The following FRRS1 variants were observed in gnomAD, a reference collection of about 807,000 sequenced individuals.
FRRS1 encodes ferric reductase 1.
In FRRS1, 51 loss-of-function variants were observed where a neutral mutation model predicts 70.7. The observed-to-expected ratio is 0.72, with a 90% CI of 0.58 to 0.91. The LOEUF is 0.91. FRRS1 is among the 40% of genes least tolerant of loss of function. The pLI, the probability that FRRS1 is intolerant of heterozygous loss-of-function variation, is 0.00. For missense variants in FRRS1, 672 were observed against 726.0 expected (o/e 0.93, Z 0.86); for synonymous variants, 225 against 238.7 (o/e 0.94, Z 0.53).
intron 9 of FRRS1, among the ~76,000 whole-genome samples, chr1:99,725,510 G>A (rs1365966632): frequency 6.6e-6 from 1 of 152,144 alleles, no homozygotes; most frequent in Non-Finnish European, 1.5e-5. Context: ...ACCAACAAAA[G>A]AGACTCAGTG....
At chr1:99,738,918 C>A (rs993573873) in intron 6 of FRRS1, among the ~76,000 whole-genome samples, 7 of 151,804 alleles carry the variant, frequency 4.6e-5, no homozygotes, top group Admixed American at 4.6e-4. Flanking sequence ...GAATATAAGA[C>A]GAAGAGTCTT....
chr1:99,705,674 G>T lies in FRRS1; in HGVS notation c.*3354C>A, dbSNP rs1203630114. On this transcript the variant is annotated 3_prime_UTR_variant, in exon 17 of 17. Coordinates refer to ENST00000646001, the MANE Select transcript of FRRS1 (RefSeq NM_001361041.2). ...CTTGACAAAAATAAAGTACTAAAGT[G>T]AATTTGATTCATTTACTTGATAACC... Among the ~76,000 whole-genome samples the T allele has an allele frequency of 6.6e-6, 1 of 152,128 alleles. No individual in the cohort carries two copies. The highest frequency in any genetic ancestry group is 1.9e-4 in the East Asian group (1 of 5,206).
intron 7 of FRRS1, among the ~76,000 whole-genome samples, chr1:99,731,340 A>C (rs1655371536): frequency 6.6e-6 from 1 of 152,200 alleles, no homozygotes; most frequent in Non-Finnish European, 1.5e-5. Flanking sequence ...CCAATATTAG[A>C]TTCTAACATA....
chr1:99,731,626 T>A (rs925217997), intron 7 of FRRS1, among the ~76,000 whole-genome samples: 4 of 152,222 alleles, frequency 2.6e-5, no homozygotes, highest in African/African-American at 9.6e-5. Flanking sequence ...GAATGTTTCA[T>A]GACAAATGAA....
rs948474937 is a variant in FRRS1 at position 99,708,456 on chromosome 1, G to T, written c.*572C>A. Reference sequence around the variant, plus strand: ...CTAAAAATATAAAAAAAATTAGCCCGGCATGGTGGCGGGCACCTGTAGTCC... The same window carrying T: ...CTAAAAATATAAAAAAAATTAGCCCTGCATGGTGGCGGGCACCTGTAGTCC... On this transcript the variant is annotated 3_prime_UTR_variant, in exon 17 of 17. Transcript: ENST00000646001. Among the ~76,000 whole-genome samples the T allele has an allele frequency of 1.2e-4, 18 of 150,602 alleles. No individual in the cohort carries two copies. Among genetic ancestry groups the T allele is most frequent in the Middle Eastern group, 6.8e-3 (2 of 292 alleles).
At chr1:99,739,711 T>A (rs1466806508) in intron 6 of FRRS1, among the ~76,000 whole-genome samples, 1 of 152,246 alleles carries the variant, frequency 6.6e-6, no homozygotes, top group African/African-American at 2.4e-5. Context: ...ACATTCATTA[T>A]TTTAATTCTT....
chr1:99,747,473 T>C, intron 3 of FRRS1, 43 bp from the exon 4 acceptor site: 1 of 1,570,700 alleles, frequency 6.4e-7, no homozygotes, highest in Non-Finnish European at 8.6e-7. Flanking sequence ...CTTAGTAATA[T>C]CAAAAAAAAA....
chr1:99,741,415 T>C (rs996926973), intron 5 of FRRS1, among the ~76,000 whole-genome samples: 2 of 152,080 alleles, frequency 1.3e-5, no homozygotes, highest in African/African-American at 4.8e-5. Flanking sequence ...CAGTGCAGAG[T>C]TGTGTTACTG....
intron 7 of FRRS1, 22 bp from the exon 8 acceptor site, chr1:99,729,770 GA>G: frequency 6.7e-7 from 1 of 1,487,790 alleles, no homozygotes; most frequent in Non-Finnish European, 9.3e-7. Context: ...TTGCAAATGA[GA>G]AAAAAAGCTC....
At chr1:99,732,037 A>G (rs1380945330) in intron 7 of FRRS1, among the ~76,000 whole-genome samples, 1 of 152,228 alleles carries the variant, frequency 6.6e-6, no homozygotes, top group African/African-American at 2.4e-5. Flanking sequence ...TTCTTTTGTT[A>G]CACAAAAAAT....
In FRRS1 at chr1:99,719,122, G is replaced by T. The variant is rs149401212; in HGVS notation, c.1120+412C>A. ...CAAGTGTTAGTGTTTAAACATAAAA[G>T]ATTTATAGGCTAGGCACGGTGACTC... is the stretch of plus-strand genomic sequence containing the variant. On this transcript the variant is annotated intron_variant, in intron 10 of 16. Transcript: ENST00000646001. Among the ~76,000 whole-genome samples, 682 of 151,816 alleles carry T rather than the reference G, an allele frequency of 4.5e-3. 3 individuals are homozygous for T. In the Middle Eastern group the frequency reaches 0.061, roughly 14 times the overall value.
chr1:99,728,717 C>G (rs898191916), intron 8 of FRRS1, 77 bp from the exon 9 acceptor site: 2 of 1,281,822 alleles, frequency 1.6e-6, no homozygotes, highest in Non-Finnish European at 2.2e-6. Flanking sequence ...AAATCCTGCC[C>G]TGTTCAGTTT....
chr1:99,708,626 ATATATATATATATATATATATAT>A lies in FRRS1; in HGVS notation c.*379_*401del, dbSNP rs1334887943. 3 of 22,518 alleles carry A rather than the reference ATATATATATATATATATATATAT, an allele frequency of 1.3e-4. No individual in the cohort carries two copies. The highest frequency in any genetic ancestry group is 2.4e-3 in the East Asian group (1 of 420). The allele number at this position is 22,518 out of a possible 1,614,324, so 1.4% of individuals were successfully genotyped here. ...AAAAAAAAAAAAAAAAAAAAAAAAA[ATATATATATATATATATATATAT>A]ATATATATATATATCGTAATATATC... On this transcript the variant is annotated 3_prime_UTR_variant, in exon 17 of 17. Coordinates refer to ENST00000646001, the MANE Select transcript of FRRS1 (RefSeq NM_001361041.2).
At position 99,710,897 on chromosome 1, in the gene FRRS1, T is replaced by C. The variant is rs765865502; in HGVS notation, c.1533A>G (p.Ser511=). 1.2e-6 allele frequency: 2 copies of C among 1,613,908 alleles called. No individual in the cohort carries two copies. Among genetic ancestry groups the C allele is most frequent in the Non-Finnish European group, 1.7e-6 (2 of 1,179,924 alleles). Residue 511 remains serine, a synonymous_variant, in exon 15 of 17, where the codon TCA becomes TCG. Transcript: ENST00000646001. ...MDLPGLNLPD[S]WKTYAMTGFV... ...ATCCGGTCATTGCATAGGTTTTCCA[T>C]GAATCAGGAAGATTCAGTCCTGGTA...
At chr1:99,722,600 A>G (rs1654892079) in intron 9 of FRRS1, among the ~76,000 whole-genome samples, 1 of 152,238 alleles carries the variant, frequency 6.6e-6, no homozygotes, top group Non-Finnish European at 1.5e-5. Context: ...TAATGATAAA[A>G]TATCATCTCA....
rs1654153048 is a variant in FRRS1, at chr1:99,709,072, C to T, written c.1735G>A (p.Val579Ile). ...GATAAAAATATGATGAGAAAAGTAA[C>T]ATTCCCACAGACATAAATTGCCAAC... Reference protein sequence around the residue: ...AVLAIYVCGNVTFLIIFLSAI... With the variant: ...AVLAIYVCGNITFLIIFLSAI... Residue 579 changes from valine to isoleucine, a missense_variant, in exon 17 of 17, where the codon GTT becomes ATT. By Grantham distance (29) the Val-to-Ile change is conservative. Transcript: ENST00000646001. The T allele has an allele frequency of 6.2e-7, 1 of 1,613,666 alleles. No homozygotes were observed. Among genetic ancestry groups the T allele is most frequent in the Admixed American group, 1.7e-5 (1 of 59,964 alleles).
chr1:99,732,075 G>A (rs1407889272), intron 7 of FRRS1, among the ~76,000 whole-genome samples: 2 of 152,168 alleles, frequency 1.3e-5, no homozygotes. Flanking sequence ...TTGATTTGAG[G>A]CAAACTGAGG....
At chr1:99,758,032 TA>T (rs1431323634) in intron 1 of FRRS1, among the ~76,000 whole-genome samples, 1 of 151,512 alleles carries the variant, frequency 6.6e-6, no homozygotes, top group African/African-American at 2.4e-5. Flanking sequence ...CTTCAGTATC[TA>T]AAGGGGAAAA....
Position 99,712,040 on chromosome 1 carries a change from A to G in FRRS1, c.1480+65T>C, listed in dbSNP as rs1219690196. On this transcript the variant is annotated intron_variant, in intron 14 of 16. Transcript: ENST00000646001. Reference sequence around the variant, plus strand: ...ATGCATCTAAAAATCATTTAAGCCAAATTACAACTTGTAATATAAGCAGCT... The same window carrying G: ...ATGCATCTAAAAATCATTTAAGCCAGATTACAACTTGTAATATAAGCAGCT... 11 of 1,142,422 alleles carry G rather than the reference A, an allele frequency of 9.6e-6. No homozygotes were observed. In the East Asian group the frequency reaches 2.6e-4, roughly 27 times the overall value. 70.8% of individuals were successfully genotyped at this position (1,142,422 alleles called of 1,614,324 possible). A position where few individuals can be genotyped will look rare whatever the true frequency, so the allele number is the denominator to read the frequency against.
Sources: gnomAD v4.1 joint callset for allele counts (sites outside exome capture counted in the v4.1 genomes callset) on GRCh38, gnomAD v4.1.1 for gene constraint, MANE v1.5 for transcripts, NCBI Gene and HGNC (gene_info 2026-07-23, HGNC 2026-07-21) for gene names.